Variants in C16orf95 observed in about 807,000 individuals in gnomAD.
C16orf95 encodes the protein uncharacterized protein C16orf95.
Under a neutral mutation model 32.1 loss-of-function variants are expected in C16orf95, and 41 were observed. The ratio of observed to expected loss-of-function variants is 1.28; its 90% confidence interval spans 1.00 to 1.66. The LOEUF (loss-of-function observed/expected upper bound fraction) is 1.66, where lower values mean the gene tolerates loss of function less well. Ranked by LOEUF, C16orf95 falls within the 40% of genes most tolerant of loss-of-function variation. The pLI is 0.00. For synonymous variants in C16orf95, 147 were observed against 128.9 expected (o/e 1.14, Z -0.95); for missense variants, 399 against 325.9 (o/e 1.22, Z -1.73).
Position 87,305,569 on chromosome 16 carries a change from C to A in C16orf95, c.701+150G>T. 1.4e-6 allele frequency: 1 copy of A among 707,738 alleles called. No individual in the cohort carries two copies. The highest frequency in any genetic ancestry group is 2.2e-6 in the Non-Finnish European group (1 of 449,582). The allele number at this position is 707,738 out of a possible 1,614,324, so 43.8% of individuals were successfully genotyped here. On this transcript the variant is annotated intron_variant, in intron 6 of 6. Coordinates refer to ENST00000567970, the MANE Select transcript of C16orf95 (RefSeq NM_001195124.3). This position sits in a 1 kb window ranked among gnomAD's most constrained non-coding sequence, Gnocchi z 4.2. ...AGAGCCTGCGCTGTGCAGAGCACCA[C>A]AGGACACACTCACAGTGCCGGGCCT...
intron 5 of C16orf95, among the ~76,000 whole-genome samples, chr16:87,309,011 G>A (rs1229225947): frequency 6.6e-6 from 1 of 152,218 alleles, no homozygotes; most frequent in Non-Finnish European, 1.5e-5. Context: ...TGGCGATGCA[G>A]GCTGCACCTT....
At chr16:87,314,325 A>G (rs1041291599) in intron 3 of C16orf95, among the ~76,000 whole-genome samples, 9 of 152,246 alleles carry the variant, frequency 5.9e-5, no homozygotes, top group Admixed American at 2.6e-4. Context: ...GCATTACTCA[A>G]TAATAAAAAG....
intron 6 of C16orf95, among the ~76,000 whole-genome samples, chr16:87,303,966 C>A (rs1910880877): frequency 6.6e-6 from 1 of 152,186 alleles, no homozygotes; most frequent in Non-Finnish European, 1.5e-5. Context: ...CAGGGCTTAG[C>A]AATTCCCTTT....
intron 3 of C16orf95, among the ~76,000 whole-genome samples, chr16:87,313,647 T>C (rs142061412): frequency 6.7e-4 from 102 of 152,034 alleles, no homozygotes; most frequent in Admixed American, 2.0e-3. Flanking sequence ...GGGGGGAGGA[T>C]TGCTTGAGCT....
intron 1 of C16orf95, among the ~76,000 whole-genome samples, chr16:87,316,651 G>T (rs371549599): frequency 8.1e-4 from 123 of 151,126 alleles, no homozygotes; most frequent in Middle Eastern, 3.4e-3. Context: ...TGGTGGGGAG[G>T]GGGGGGGCCA....
At chr16:87,303,846 C>T (rs1910876650) in intron 6 of C16orf95, among the ~76,000 whole-genome samples, 1 of 152,088 alleles carries the variant, frequency 6.6e-6, no homozygotes, top group African/African-American at 2.4e-5. Flanking sequence ...CAGGCCCTCC[C>T]CAGAACAGTT....
At chr16:87,311,706 CA>C (rs1449789153) in intron 3 of C16orf95, among the ~76,000 whole-genome samples, 2 of 152,216 alleles carry the variant, frequency 1.3e-5, no homozygotes. Context: ...GGCATCTTAA[CA>C]AAGTTTATCA....
In C16orf95 at chr16:87,311,777, G is replaced by A. The variant is rs560854303; in HGVS notation, c.331-481C>T. On this transcript the variant is annotated intron_variant, in intron 3 of 6. Coordinates refer to ENST00000567970, the MANE Select transcript of C16orf95 (RefSeq NM_001195124.3). ...CCACTTGCAGGAATGTGTCCCATGA[G>A]GATACTTTCACATCTGCAAAGTGTC... 6.6e-5 allele frequency among the ~76,000 whole-genome samples: 10 copies of A among 152,330 alleles called. No individual in the cohort carries two copies. In the South Asian group the frequency reaches 1.7e-3, roughly 25 times the overall value.
intron 3 of C16orf95, among the ~76,000 whole-genome samples, chr16:87,313,538 AG>A (rs1379788689): frequency 1.3e-5 from 2 of 152,176 alleles, no homozygotes; most frequent in Non-Finnish European, 2.9e-5. Flanking sequence ...GTTTGAGACT[AG>A]CCAGGGCAAC....
In C16orf95 at chr16:87,307,553, G is replaced by A. The variant is rs367569080; in HGVS notation, c.515-1648C>T. Among the ~76,000 whole-genome samples, 15 of 152,328 alleles carry A rather than the reference G, an allele frequency of 9.8e-5. No individual in the cohort carries two copies. The East Asian group carries it at 2.7e-3, about 27-fold the overall frequency. On this transcript the variant is annotated intron_variant, in intron 5 of 6. Coordinates refer to ENST00000567970, the MANE Select transcript of C16orf95 (RefSeq NM_001195124.3). Reference sequence around the variant, plus strand: ...GCAGGTGGATCACCTGAGGTCAGGAGTTCAAGACCAGCCTGGCCAACATGG... The same window carrying A: ...GCAGGTGGATCACCTGAGGTCAGGAATTCAAGACCAGCCTGGCCAACATGG...
intron 5 of C16orf95, among the ~76,000 whole-genome samples, chr16:87,309,299 G>C (rs765023310): frequency 1.0e-4 from 15 of 147,152 alleles, no homozygotes; most frequent in African/African-American, 3.8e-4. Context: ...TTAGTTTGGT[G>C]CAAAAAAAAA....
Position 87,311,213 on chromosome 16 carries a change from C to T in C16orf95, c.414G>A (p.Pro138=), listed in dbSNP as rs953488840. 43 of 1,535,624 alleles carry T rather than the reference C, an allele frequency of 2.8e-5. No individual in the cohort carries two copies. In the African/African-American group the frequency reaches 3.1e-4, roughly 11 times the overall value. The change falls in exon 4 of 7, where the codon CCG becomes CCA. Residue 138 remains proline, a synonymous_variant. Transcript: ENST00000567970. ...CLCHRFGGRL[P]MPRDQAVMPY... ...GCATCACTGCCTGGTCCCTAGGCAT[C>T]GGGAGGCGGCCCCCAAAGCGGTGGC...
chr16:87,317,162 A>G lies in C16orf95; in HGVS notation c.81T>C (p.Ala27=), dbSNP rs988903104. ...HEATGAASGA[A]AGGPGAGCVG... ...CGCACCCCGCGCCCGGCCCCCCGGC[A>G]GCAGCGCCTGAGGCTGCTCCAGTGG... The change falls in exon 1 of 7, where the codon GCT becomes GCC. Residue 27 remains alanine (A), a synonymous_variant. Coordinates refer to ENST00000567970, the MANE Select transcript of C16orf95 (RefSeq NM_001195124.3). 23 of 1,531,580 alleles carry G rather than the reference A, an allele frequency of 1.5e-5. No individual in the cohort carries two copies. The African/African-American group carries it at 2.9e-4, about 19-fold the overall frequency. The allele number at this position is 1,531,580 out of a possible 1,614,324, so 94.9% of individuals were successfully genotyped here. A position where few individuals can be genotyped will look rare whatever the true frequency, so the allele number is the denominator to read the frequency against.
At chr16:87,303,330 A>C (rs1168486383) in intron 6 of C16orf95, 7 of 510,020 alleles carry the variant, frequency 1.4e-5, no homozygotes, top group Non-Finnish European at 2.1e-5. Context: ...AAGGGATGAT[A>C]ATGCTGGCTT....
intron 5 of C16orf95, chr16:87,306,116 C>A (rs184653459): frequency 2.4e-6 from 1 of 418,354 alleles, no homozygotes; most frequent in African/African-American, 2.1e-5. Context: ...AGCCTTGGGG[C>A]TGTTTTTCAA....
Position 87,311,316 on chromosome 16 carries a change from G to C in C16orf95, c.331-20C>G. 6.6e-7 allele frequency: 1 copy of C among 1,514,722 alleles called. No individual in the cohort carries two copies. The highest frequency in any genetic ancestry group is 8.8e-7 in the Non-Finnish European group (1 of 1,131,470). The allele number at this position is 1,514,722 out of a possible 1,614,324, so 93.8% of individuals were successfully genotyped here. A position where few individuals can be genotyped will look rare whatever the true frequency, so the allele number is the denominator to read the frequency against. ...TTGACTCTAACAGAGAGGATGGGAG[G>C]AGAAGATTCAGAAGGGGATGGAGCC... On this transcript the variant is annotated intron_variant, in intron 3 of 6. Transcript: ENST00000567970.
intron 5 of C16orf95, among the ~76,000 whole-genome samples, chr16:87,309,732 C>T (rs1377261059): frequency 6.6e-6 from 1 of 152,072 alleles, no homozygotes; most frequent in African/African-American, 2.4e-5. Context: ...CACATGAATA[C>T]ATATTGTATT....
Position 87,317,317 on chromosome 16 carries a change from C to A in C16orf95, c.-75G>T. ...CCCTGACGCCCTGGCTCCCGCCTTT[C>A]CCTCCTGCCCCAGGAGGAACCCAAC... is the stretch of plus-strand genomic sequence containing the variant. On this transcript the variant is annotated 5_prime_UTR_variant, in exon 1 of 7. Coordinates refer to ENST00000567970, the MANE Select transcript of C16orf95 (RefSeq NM_001195124.3). The A allele has an allele frequency of 6.9e-7, 1 of 1,450,566 alleles. No individual in the cohort carries two copies. Among genetic ancestry groups the A allele is most frequent in the East Asian group, 2.7e-5 (1 of 37,482 alleles). 89.9% of individuals were successfully genotyped at this position (1,450,566 alleles called of 1,614,324 possible).
rs562551066 is a variant in C16orf95, at chr16:87,309,096, AC to A, written c.514+1200del. Among the ~76,000 whole-genome samples the A allele has an allele frequency of 1.6e-3, 247 of 152,308 alleles. 1 individual carries two copies. The highest frequency in any genetic ancestry group is 5.6e-3 in the African/African-American group (234 of 41,564). The stretch of plus-strand genomic sequence containing the variant: ...GTTCTGTGGTACACTGTCACCATAA[AC>A]TTGTCATAAAGCATCAGTGAGTTTA... On this transcript the variant is annotated intron_variant, in intron 5 of 6. Coordinates refer to ENST00000567970, the MANE Select transcript of C16orf95 (RefSeq NM_001195124.3).
Sources: allele counts gnomAD v4.1 joint callset (sites outside exome capture counted in the v4.1 genomes callset), GRCh38; gene constraint gnomAD v4.1.1; non-coding constraint Gnocchi (gnomAD v3.1); transcripts MANE v1.5; gene names NCBI Gene and HGNC (gene_info 2026-07-23, HGNC 2026-07-21).